ATXN2: variants seen among roughly 807,000 people sequenced by gnomAD.
The protein encoded by ATXN2 is ataxin 2.
In ATXN2, 37 loss-of-function variants were observed where a neutral mutation model predicts 138.6. The ratio of observed to expected loss-of-function variants is 0.27; its 90% confidence interval spans 0.21 to 0.35. The LOEUF (loss-of-function observed/expected upper bound fraction) is 0.35, where lower values mean the gene tolerates loss of function less well. Among genes scored for constraint, ATXN2 ranks in the 10% least tolerant of loss-of-function variants. The pLI, the probability that ATXN2 is intolerant of heterozygous loss-of-function variation, is 1.00. For synonymous variants in ATXN2, 549 were observed against 543.7 expected (o/e 1.01, Z -0.13); for missense variants, 1,216 against 1,480.3 (o/e 0.82, Z 2.93).
chr12:111,521,863 A>G (rs1261127606), intron 6 of ATXN2, among the ~76,000 whole-genome samples: 2 of 152,204 alleles, frequency 1.3e-5, no homozygotes, highest in Non-Finnish European at 2.9e-5. Context: ...CTTTAACGTA[A>G]AAGAATCAAC....
At position 111,598,288 on chromosome 12, in the gene ATXN2, CG is replaced by C; in HGVS notation, c.251+495del. On this transcript the variant is annotated intron_variant, in intron 1 of 24. Coordinates refer to ENST00000673436, the MANE Select transcript of ATXN2 (RefSeq NM_001372574.1). This position sits in a 1 kb window ranked among gnomAD's most constrained non-coding sequence, Gnocchi z 4.5. Reference sequence around the variant, plus strand: ...CCGGTGCCTACCCCTTTAACCGGCACGGGGGACGCGGCCCTAACTTCTCCCC... The same window carrying C: ...CCGGTGCCTACCCCTTTAACCGGCACGGGGACGCGGCCCTAACTTCTCCCC... 1 of 1,002,724 alleles carries C rather than the reference CG, an allele frequency of 1.0e-6. No homozygotes were observed. The highest frequency in any genetic ancestry group is 1.2e-6 in the Non-Finnish European group (1 of 839,978). 62.1% of individuals were successfully genotyped at this position (1,002,724 alleles called of 1,614,324 possible). A position where few individuals can be genotyped will look rare whatever the true frequency, so the allele number is the denominator to read the frequency against.
intron 20 of ATXN2, among the ~76,000 whole-genome samples, chr12:111,466,837 G>A (rs895560483): frequency 1.3e-5 from 2 of 151,986 alleles, no homozygotes; most frequent in Admixed American, 6.6e-5. Context: ...TAGATATGAT[G>A]TAGCTTAAAA....
rs554321394 is a variant in ATXN2 at position 111,453,016 on chromosome 12, A to G, written c.3440-176T>C. 7 of 1,312,476 alleles carry G rather than the reference A, an allele frequency of 5.3e-6. No homozygotes were observed. The East Asian group carries it at 1.2e-4, about 22-fold the overall frequency. 81.3% of individuals were successfully genotyped at this position (1,312,476 alleles called of 1,614,324 possible). ...AGTGGGGAGGGTTGGGTGGGTGGGT[A>G]GAAACAAACCAGTCAGACGTAAAAC... On this transcript the variant is annotated intron_variant, in intron 24 of 24. Transcript: ENST00000673436. The surrounding 1 kb of genome is among the most constrained non-coding windows in gnomAD (Gnocchi z 5.4).
intron 14 of ATXN2, among the ~76,000 whole-genome samples, chr12:111,495,726 A>G (rs1371141899): frequency 6.6e-6 from 1 of 152,228 alleles, no homozygotes; most frequent in African/African-American, 2.4e-5. Flanking sequence ...AATTTGCTCT[A>G]TAGACCAAAT....
intron 1 of ATXN2, among the ~76,000 whole-genome samples, chr12:111,583,640 G>A (rs969348301): frequency 2.0e-5 from 3 of 151,762 alleles, no homozygotes; most frequent in Non-Finnish European, 4.4e-5. Flanking sequence ...GGTGGTGGGT[G>A]CCTGTAATCC....
chr12:111,482,683 A>C (rs532972864), intron 18 of ATXN2: 5 of 152,242 alleles, frequency 3.3e-5, no homozygotes, highest in Admixed American at 6.5e-5. Context: ...TGATACATGA[A>C]CACCTTAACA....
intron 1 of ATXN2, among the ~76,000 whole-genome samples, chr12:111,568,040 T>C (rs945004016): frequency 2.0e-5 from 3 of 151,652 alleles, no homozygotes; most frequent in Admixed American, 6.6e-5. Context: ...GCAGGTGGAT[T>C]ATCTGAGGTC....
intron 1 of ATXN2, among the ~76,000 whole-genome samples, chr12:111,590,299 A>G (rs1247134710): frequency 6.6e-6 from 1 of 152,136 alleles, no homozygotes; most frequent in African/African-American, 2.4e-5. Context: ...AAACAAAGAA[A>G]AGAAAATAGA....
chr12:111,578,170 C>T (rs1883786972), intron 1 of ATXN2, among the ~76,000 whole-genome samples: 1 of 152,116 alleles, frequency 6.6e-6, no homozygotes, highest in African/African-American at 2.4e-5. Flanking sequence ...ACACTCCAGC[C>T]TGGGCGATAG....
rs1276331297 is a variant in ATXN2 at position 111,598,086 on chromosome 12, C to G, written c.251+698G>C. 1.8e-6 allele frequency: 2 copies of G among 1,134,744 alleles called. No individual in the cohort carries two copies. Among genetic ancestry groups the G allele is most frequent in the South Asian group, 3.8e-5 (2 of 52,356 alleles). The allele number at this position is 1,134,744 out of a possible 1,614,324, so 70.3% of individuals were successfully genotyped here. A position where few individuals can be genotyped will look rare whatever the true frequency, so the allele number is the denominator to read the frequency against. ...GGGAGGGTGGAACGCTGCCGGAGGC[C>G]ACATGGAGCCCCACGATTTCAGGGG... On this transcript the variant is annotated intron_variant, in intron 1 of 24. Coordinates refer to ENST00000673436, the MANE Select transcript of ATXN2 (RefSeq NM_001372574.1). This position sits in a 1 kb window ranked among gnomAD's most constrained non-coding sequence, Gnocchi z 4.5.
chr12:111,589,542 T>C (rs576699703), intron 1 of ATXN2, among the ~76,000 whole-genome samples: 3 of 149,488 alleles, frequency 2.0e-5, no homozygotes, highest in South Asian at 4.3e-4. Flanking sequence ...GAGGCCAAGG[T>C]ATATGGATCA....
chr12:111,469,363 C>T (rs1335919470), intron 20 of ATXN2: 1 of 152,184 alleles, frequency 6.6e-6, no homozygotes, highest in African/African-American at 2.4e-5. Context: ...ATAAGATATA[C>T]AAATGGACAT....
chr12:111,454,127 A>G, intron 23 of ATXN2: 1 of 287,242 alleles, frequency 3.5e-6, no homozygotes, highest in Non-Finnish European at 6.5e-6. Context: ...TGATCATTGT[A>G]TTCTATGTAT....
chr12:111,561,358 G>T (rs1464922745), intron 1 of ATXN2, among the ~76,000 whole-genome samples: 2 of 151,748 alleles, frequency 1.3e-5, no homozygotes, highest in Admixed American at 6.6e-5. Flanking sequence ...GCCAGGCATG[G>T]TGGCAGGCGC....
intron 1 of ATXN2, among the ~76,000 whole-genome samples, chr12:111,572,504 T>C (rs1297794013): frequency 6.6e-6 from 1 of 151,952 alleles, no homozygotes; most frequent in Non-Finnish European, 1.5e-5. Flanking sequence ...GGCTTGGGAA[T>C]AGGGTGATTT....
intron 23 of ATXN2, chr12:111,455,756 A>C: frequency 5.6e-6 from 3 of 533,538 alleles, no homozygotes. Flanking sequence ...CACAGAAAGG[A>C]AAGAAGGACT....
chr12:111,485,299 T>G lies in ATXN2; in HGVS notation c.2490A>C (p.Pro830=). ...CTCTATATGTCTTGGCTTGATTCACTGGCATGGGCGTCATAGGTATTGGGT... is the reference window on the plus strand; with the variant it reads ...CTCTATATGTCTTGGCTTGATTCACGGGCATGGGCGTCATAGGTATTGGGT... ...PLYPIPMTPM[P]VNQAKTYRAG... The change falls in exon 18 of 25, where the codon CCA becomes CCC. Residue 830 remains proline (P), a synonymous_variant. Transcript: ENST00000673436. 1 of 1,613,116 alleles carries G rather than the reference T, an allele frequency of 6.2e-7. No individual in the cohort carries two copies. The highest frequency in any genetic ancestry group is 8.5e-7 in the Non-Finnish European group (1 of 1,179,426).
rs1032623546 is a variant in ATXN2 at position 111,453,545 on chromosome 12, T to C, written c.3439+132A>G. 5 of 1,414,860 alleles carry C rather than the reference T, an allele frequency of 3.5e-6. No homozygotes were observed. The South Asian group carries it at 4.7e-5, about 13-fold the overall frequency. The allele number at this position is 1,414,860 out of a possible 1,614,324, so 87.6% of individuals were successfully genotyped here. ...CTGAACTGATCGTCACAGTCCCTCC[T>C]GTGCACACTCCTGGACGGGTCTTGC... On this transcript the variant is annotated intron_variant, in intron 24 of 24. Transcript: ENST00000673436. The surrounding 1 kb of genome is among the most constrained non-coding windows in gnomAD (Gnocchi z 5.4).
intron 5 of ATXN2, among the ~76,000 whole-genome samples, chr12:111,535,814 A>G (rs951641436): frequency 6.6e-6 from 1 of 151,332 alleles, no homozygotes; most frequent in Non-Finnish European, 1.5e-5. Flanking sequence ...TCCCGGCTAA[A>G]ACGGTGAAAC....
Sources: allele counts gnomAD v4.1 joint callset (sites outside exome capture counted in the v4.1 genomes callset), GRCh38; gene constraint gnomAD v4.1.1; non-coding constraint Gnocchi (gnomAD v3.1); transcripts MANE v1.5; gene names NCBI Gene and HGNC (gene_info 2026-07-23, HGNC 2026-07-21).